THSD7B: variants seen among roughly 807,000 people sequenced by gnomAD.
THSD7B encodes the protein thrombospondin type 1 domain containing 7B, also known as thrombospondin type-1 domain-containing protein 7B.
A neutral mutation model predicts 213.6 loss-of-function variants in THSD7B; 138 were observed. The ratio of observed to expected loss-of-function variants is 0.65; its 90% CI spans 0.56 to 0.74. The LOEUF (loss-of-function observed/expected upper bound fraction) is 0.74, where lower values mean the gene tolerates loss of function less well. Among genes scored for constraint, THSD7B ranks in the 30% least tolerant of loss-of-function variants. The pLI, the probability that THSD7B is intolerant of heterozygous loss-of-function variation, is 0.00. For missense variants in THSD7B, 1,931 were observed against 1,991.5 expected (o/e 0.97, Z 0.58); for synonymous variants, 742 against 687.0 (o/e 1.08, Z -1.25).
At chr2:137,607,692 G>A (rs969764146) in intron 17 of THSD7B, among the ~76,000 whole-genome samples, 1 of 152,036 alleles carries the variant, frequency 6.6e-6, no homozygotes, top group African/African-American at 2.4e-5. Flanking sequence ...ATTTTGGCTT[G>A]TACTTGGTCA....
At chr2:137,246,038 T>A (rs1682024887) in intron 10 of THSD7B, among the ~76,000 whole-genome samples, 1 of 152,102 alleles carries the variant, frequency 6.6e-6, no homozygotes, top group African/African-American at 2.4e-5. Flanking sequence ...GGTGAGGCAA[T>A]GTCTGATCAA....
intron 15 of THSD7B, among the ~76,000 whole-genome samples, chr2:137,473,679 A>C (rs1688139285): frequency 6.6e-6 from 1 of 152,348 alleles, no homozygotes; most frequent in African/African-American, 2.4e-5. Flanking sequence ...CTACTAGTAC[A>C]GTTCTGTGCC....
At chr2:136,879,481 G>A (rs547012938) in intron 1 of THSD7B, among the ~76,000 whole-genome samples, 2 of 152,266 alleles carry the variant, frequency 1.3e-5, no homozygotes, top group African/African-American at 4.8e-5. Context: ...GATGGGGATG[G>A]CATTGAATCT....
intron 15 of THSD7B, among the ~76,000 whole-genome samples, chr2:137,479,711 C>T (rs1363897886): frequency 6.6e-6 from 1 of 152,158 alleles, no homozygotes; most frequent in African/African-American, 2.4e-5. Flanking sequence ...TGGTGCCTGG[C>T]TGCTGGCAGG....
intron 12 of THSD7B, among the ~76,000 whole-genome samples, chr2:137,288,868 G>T (rs1223772298): frequency 6.6e-6 from 1 of 151,750 alleles, no homozygotes; most frequent in East Asian, 1.9e-4. Context: ...AAAGCACAGA[G>T]GGCATGTAAA....
intron 14 of THSD7B, among the ~76,000 whole-genome samples, chr2:137,448,536 G>A (rs1463692958): frequency 6.6e-6 from 1 of 151,534 alleles, no homozygotes; most frequent in African/African-American, 2.4e-5. Context: ...CTGGCTGGCC[G>A]CAGTGGCTCA....
intron 12 of THSD7B, among the ~76,000 whole-genome samples, chr2:137,331,483 T>A (rs750811152): frequency 7.2e-5 from 11 of 152,180 alleles, no homozygotes; most frequent in Middle Eastern, 3.2e-3. Flanking sequence ...ATTGGTGTAT[T>A]TACAATCCTG....
chr2:137,576,797 C>T (rs902374505), intron 17 of THSD7B, among the ~76,000 whole-genome samples: 1 of 111,712 alleles, frequency 9.0e-6, no homozygotes, highest in Non-Finnish European at 1.8e-5. Flanking sequence ...AGAAAAACAC[C>T]CCCCCCCCTT....
chr2:137,502,378 A>G (rs1679730845), intron 15 of THSD7B, among the ~76,000 whole-genome samples: 1 of 152,110 alleles, frequency 6.6e-6, no homozygotes, highest in Non-Finnish European at 1.5e-5. Flanking sequence ...AGAGAGAGAG[A>G]CAGATACAGA....
chr2:137,196,376 G>GTTTTT (rs60814872), intron 7 of THSD7B, among the ~76,000 whole-genome samples: 1 of 99,970 alleles, frequency 1.0e-5, no homozygotes, highest in Non-Finnish European at 1.9e-5. Context: ...AAAACCTGCT[G>GTTTTT]TTTTTTTTTT....
chr2:137,569,128 C>T (rs1681302197), intron 16 of THSD7B, among the ~76,000 whole-genome samples: 1 of 152,070 alleles, frequency 6.6e-6, no homozygotes. Context: ...GTGTTGCTGC[C>T]TCCGGAGATG....
intron 2 of THSD7B, among the ~76,000 whole-genome samples, chr2:136,972,764 A>C (rs537742784): frequency 6.6e-6 from 1 of 152,330 alleles, no homozygotes; most frequent in African/African-American, 2.4e-5. Flanking sequence ...ATGTTGCATC[A>C]CATATGAATC....
intron 7 of THSD7B, among the ~76,000 whole-genome samples, chr2:137,191,020 G>T (rs1458141634): frequency 6.6e-6 from 1 of 152,200 alleles, no homozygotes; most frequent in Non-Finnish European, 1.5e-5. Flanking sequence ...GATCACCCAA[G>T]CTGCCTACTG....
intron 2 of THSD7B, among the ~76,000 whole-genome samples, chr2:136,983,816 T>G (rs1685627771): frequency 6.6e-6 from 1 of 152,162 alleles, no homozygotes; most frequent in Admixed American, 6.5e-5. Context: ...AGTCCCTCCT[T>G]TCAGGAACCG....
intron 15 of THSD7B, among the ~76,000 whole-genome samples, chr2:137,554,763 G>A (rs142145517): frequency 0.073 from 11,144 of 152,198 alleles, 1,002 homozygotes; most frequent in African/African-American, 0.21. Context: ...CACCTCACCC[G>A]GGAAGCACAA....
At chr2:137,205,243 T>C (rs540770520) in intron 7 of THSD7B, among the ~76,000 whole-genome samples, 12 of 152,064 alleles carry the variant, frequency 7.9e-5, no homozygotes, top group Non-Finnish European at 1.6e-4. Flanking sequence ...ATTATAAAAG[T>C]AGTCATTAGG....
chr2:136,843,854 T>C (rs1345099835), intron 1 of THSD7B, among the ~76,000 whole-genome samples: 2 of 152,200 alleles, frequency 1.3e-5, no homozygotes, highest in Non-Finnish European at 2.9e-5. Context: ...GGGTACTCCT[T>C]GTTCTCCTAG....
intron 17 of THSD7B, among the ~76,000 whole-genome samples, chr2:137,590,555 G>A (rs1014084261): frequency 3.9e-5 from 6 of 151,950 alleles, no homozygotes; most frequent in African/African-American, 1.5e-4. Context: ...GAATTATTAT[G>A]GTATTTTGAA....
chr2:137,310,087 C>A (rs571373448), intron 12 of THSD7B, among the ~76,000 whole-genome samples: 3 of 151,946 alleles, frequency 2.0e-5, no homozygotes, highest in African/African-American at 7.2e-5. Context: ...GCCACACTGA[C>A]TTCCACAATG....
Sources: allele counts gnomAD v4.1 joint callset (sites outside exome capture counted in the v4.1 genomes callset), GRCh38; gene constraint gnomAD v4.1.1; transcripts MANE v1.5; gene names NCBI Gene and HGNC (gene_info 2026-07-23, HGNC 2026-07-21).